The following DRC11 variants were observed in gnomAD, a reference collection of about 807,000 sequenced individuals.
DRC11 encodes IQ and AAA domain-containing protein 1.
chr2:236,414,758 C>T, the DRC11 span, among the ~76,000 whole-genome samples: 30,558 of 152,040 alleles, frequency 0.2, 3,341 homozygotes, highest in Middle Eastern at 0.29. Context: ...GAACTGCGAA[C>T]GTTCATATTT....
chr2:236,438,228 G>T, the DRC11 span, among the ~76,000 whole-genome samples: 1 of 138,288 alleles, frequency 7.2e-6, no homozygotes. Flanking sequence ...GTTTTTCTCA[G>T]GTTTGTCAAA....
chr2:236,473,192 C>T, the DRC11 span, among the ~76,000 whole-genome samples: 2 of 152,096 alleles, frequency 1.3e-5, no homozygotes, highest in Non-Finnish European at 2.9e-5. The surrounding 1 kb of genome is among the most constrained non-coding windows in gnomAD (Gnocchi z 4.8). Context: ...AAAGTGTGAT[C>T]ATCAAAGAGC....
the DRC11 span, among the ~76,000 whole-genome samples, chr2:236,421,002 T>TC: frequency 2.2e-4 from 34 of 152,220 alleles, no homozygotes; most frequent in Non-Finnish European, 4.0e-4. Context: ...TTTGAATGTG[T>TC]CCCAGAGATT....
the DRC11 span, among the ~76,000 whole-genome samples, chr2:236,381,590 T>C: frequency 6.6e-6 from 1 of 152,240 alleles, no homozygotes. This position sits in a 1 kb window ranked among gnomAD's most constrained non-coding sequence, Gnocchi z 5.8. Flanking sequence ...CCTTTCTCTG[T>C]TGGCATCTAG....
chr2:236,467,785 C>T, the DRC11 span, among the ~76,000 whole-genome samples: 4 of 152,150 alleles, frequency 2.6e-5, no homozygotes, highest in Non-Finnish European at 5.9e-5. Context: ...AAACTTAGAT[C>T]AATTACTTGG....
chr2:236,386,625 G>A, the DRC11 span, among the ~76,000 whole-genome samples: 1 of 151,964 alleles, frequency 6.6e-6, no homozygotes, highest in African/African-American at 2.4e-5. Context: ...TCCTGGATTC[G>A]TTAATTTTTT....
At chr2:236,358,510 C>T in the DRC11 span, among the ~76,000 whole-genome samples, 1 of 143,934 alleles carries the variant, frequency 6.9e-6, no homozygotes, top group East Asian at 2.0e-4. Flanking sequence ...AAACATTTCA[C>T]AGGTGAAAGA....
At chr2:236,395,214 G>A in the DRC11 span, among the ~76,000 whole-genome samples, 2 of 152,094 alleles carry the variant, frequency 1.3e-5, no homozygotes, top group Admixed American at 6.6e-5. Flanking sequence ...TCATTCACAC[G>A]GGGCAGGTGG....
At chr2:236,403,327 CAG>C in the DRC11 span, among the ~76,000 whole-genome samples, 1 of 151,076 alleles carries the variant, frequency 6.6e-6, no homozygotes, top group East Asian at 1.9e-4. Context: ...GAGAGAGAGG[CAG>C]AGAGAAGAGG....
chr2:236,325,319 A>G, the DRC11 span, among the ~76,000 whole-genome samples: 2 of 152,186 alleles, frequency 1.3e-5, no homozygotes, highest in East Asian at 3.8e-4. The surrounding 1 kb of genome is among the most constrained non-coding windows in gnomAD (Gnocchi z 4.4). Context: ...TATAAACTTT[A>G]TAGTAGCAAT....
the DRC11 span, chr2:236,344,504 G>A: frequency 7.8e-7 from 1 of 1,281,218 alleles, no homozygotes; most frequent in Non-Finnish European, 1.1e-6. Flanking sequence ...CCTTGGTAAG[G>A]GCCTCCTTTG....
At chr2:236,358,423 AATAT>A in the DRC11 span, among the ~76,000 whole-genome samples, 120 of 138,578 alleles carry the variant, frequency 8.7e-4, 1 homozygote, top group African/African-American at 3.1e-3. Flanking sequence ...ATGATATATG[AATAT>A]ATATCATATA....
At chr2:236,322,795 T>C in the DRC11 span, among the ~76,000 whole-genome samples, 1 of 152,256 alleles carries the variant, frequency 6.6e-6, no homozygotes, top group Non-Finnish European at 1.5e-5. Flanking sequence ...GTGTGGCTAT[T>C]TAAATGGAAA....
chr2:236,449,615 C>T, the DRC11 span, among the ~76,000 whole-genome samples: 1 of 152,218 alleles, frequency 6.6e-6, no homozygotes, highest in Non-Finnish European at 1.5e-5. This position sits in a 1 kb window ranked among gnomAD's most constrained non-coding sequence, Gnocchi z 5.1. Flanking sequence ...CTGTGGCACA[C>T]TACTACTCTA....
At chr2:236,410,750 C>A in the DRC11 span, among the ~76,000 whole-genome samples, 1 of 150,566 alleles carries the variant, frequency 6.6e-6, no homozygotes, top group Non-Finnish European at 1.5e-5. Flanking sequence ...CACATATCTA[C>A]AACTATCTGA....
the DRC11 span, among the ~76,000 whole-genome samples, chr2:236,459,616 A>AGTATATACATATATACGTATATAC: frequency 1.5e-5 from 2 of 130,874 alleles, 1 homozygote; most frequent in African/African-American, 5.6e-5. Flanking sequence ...TACGTATATA[A>AGTATATACATATATACGTATATAC]GTATATACAT....
the DRC11 span, among the ~76,000 whole-genome samples, chr2:236,310,029 A>G: frequency 6.6e-6 from 1 of 152,200 alleles, no homozygotes; most frequent in African/African-American, 2.4e-5. The surrounding 1 kb of genome is among the most constrained non-coding windows in gnomAD (Gnocchi z 5.5). Context: ...CAGTTTGATC[A>G]GTGATGGGTG....
At chr2:236,387,950 G>T in the DRC11 span, among the ~76,000 whole-genome samples, 1 of 152,010 alleles carries the variant, frequency 6.6e-6, no homozygotes, top group Non-Finnish European at 1.5e-5. Flanking sequence ...TGAAATTCTG[G>T]GTTGAAAATT....
the DRC11 span, among the ~76,000 whole-genome samples, chr2:236,452,380 C>T: frequency 2.0e-5 from 3 of 152,172 alleles, no homozygotes; most frequent in Non-Finnish European, 4.4e-5. This position sits in a 1 kb window ranked among gnomAD's most constrained non-coding sequence, Gnocchi z 4.7. Flanking sequence ...TGTGTTTCAT[C>T]AAGTATGAAA....
Sources: gnomAD v4.1 joint callset for allele counts (sites outside exome capture counted in the v4.1 genomes callset) on GRCh38, gnomAD v4.1.1 for gene constraint, Gnocchi (gnomAD v3.1) non-coding constraint, MANE v1.5 for transcripts, NCBI Gene and HGNC (gene_info 2026-07-23, HGNC 2026-07-21) for gene names.